Variants in PAPLN observed in about 807,000 individuals in gnomAD.
PAPLN encodes the protein papilin.
PAPLN carries 146 observed loss-of-function variants against 159.0 expected under a neutral mutation model. The ratio of observed to expected loss-of-function variants is 0.92; its 90% CI spans 0.80 to 1.05. The LOEUF is 1.05. Among genes scored for constraint, PAPLN ranks in the 50% least tolerant of loss-of-function variants. The pLI is 0.00. For synonymous variants in PAPLN, 734 were observed against 702.9 expected (o/e 1.04, Z -0.70); for missense variants, 1,720 against 1,743.9 (o/e 0.99, Z 0.24).
intron 26 of PAPLN, among the ~76,000 whole-genome samples, chr14:73,270,166 C>CCTCGCTCGGCCCACCGT (rs1887583986): frequency 1.3e-5 from 2 of 151,262 alleles, no homozygotes; most frequent in South Asian, 4.3e-4. Flanking sequence ...CTGTCCGGGG[C>CCTCGCTCGGCCCACCGT]CTCGCTCGGC....
chr14:73,241,658 G>GGT (rs2140177128), intron 2 of PAPLN, among the ~76,000 whole-genome samples: 1 of 152,350 alleles, frequency 6.6e-6, no homozygotes, highest in African/African-American at 2.4e-5. Flanking sequence ...GTCTGCAGGG[G>GGT]GTGTGGCCCC....
Position 73,259,012 on chromosome 14 carries a change from C to A in PAPLN, c.1661C>A (p.Ala554Asp). 6.2e-7 allele frequency: 1 copy of A among 1,612,780 alleles called. No homozygotes were observed. Among genetic ancestry groups the A allele is most frequent in the African/African-American group, 1.3e-5 (1 of 75,028 alleles). The stretch of plus-strand genomic sequence containing the variant: ...AGCATGCAGGATGTGCACACCCCTG[C>A]CAGCAACCCCTGGATGCCGTTGGGC... ...VPSMQDVHTP[A>D]SNPWMPLGPQ... The change falls in exon 15 of 27, where the codon GCC (alanine) becomes GAC (aspartate). Residue 554 changes from alanine (A) to aspartate (D), a missense_variant. Transcript: ENST00000644200.
In PAPLN at chr14:73,265,953, A is replaced by G. The variant is rs1256963095; in HGVS notation, c.3263+446A>G. On this transcript the variant is annotated intron_variant, in intron 23 of 26. Transcript: ENST00000644200. The surrounding 1 kb of genome is among the most constrained non-coding windows in gnomAD (Gnocchi z 4.1). ...TTATAAGCAGCAGAACCAGTATTTG[A>G]GCCCATTAAATGAGTATAGCAAAAA... is the stretch of plus-strand genomic sequence containing the variant. 6.6e-6 allele frequency among the ~76,000 whole-genome samples: 1 copy of G among 152,212 alleles called. No homozygotes were observed. Among genetic ancestry groups the G allele is most frequent in the Admixed American group, 6.5e-5 (1 of 15,288 alleles).
chr14:73,263,681 G>A lies in PAPLN; in HGVS notation c.2760G>A (p.Gln920=). ...SLAGVEPSLV[Q]AALGQLVRLS... ...CAGGTGTGGAGCCCTCGTTGGTGCA[G>A]GCAGCCCTGGGGCAGTTGGTGCGGC... The change falls in exon 20 of 27, where the codon CAG becomes CAA. Residue 920 remains glutamine, a synonymous_variant. Transcript: ENST00000644200. 6.2e-7 allele frequency: 1 copy of A among 1,613,606 alleles called. No homozygotes were observed. Among genetic ancestry groups the A allele is most frequent in the Non-Finnish European group, 8.5e-7 (1 of 1,180,002 alleles).
At chr14:73,258,341 G>A (rs1450527738) in intron 14 of PAPLN, among the ~76,000 whole-genome samples, 1 of 152,096 alleles carries the variant, frequency 6.6e-6, no homozygotes, top group African/African-American at 2.4e-5. Context: ...GGAGAAATGC[G>A]TAAGTTCTTT....
chr14:73,239,741 C>T (rs769531800), intron 1 of PAPLN, 32 bp from the exon 2 acceptor site: 4 of 1,549,414 alleles, frequency 2.6e-6, no homozygotes, highest in East Asian at 2.4e-5. Flanking sequence ...GCGGGAGCCC[C>T]GGGCCGCTCT....
intron 5 of PAPLN, 164 bp from the exon 6 acceptor site, chr14:73,249,820 G>A: frequency 3.1e-6 from 2 of 637,522 alleles, no homozygotes; most frequent in Non-Finnish European, 4.7e-6. Context: ...ACAGATTCAT[G>A]GAGACGGTCC....
chr14:73,259,451 A>C lies in PAPLN; in HGVS notation c.1891A>C (p.Arg631=), dbSNP rs1189478356. 1 of 1,612,328 alleles carries C rather than the reference A, an allele frequency of 6.2e-7. No homozygotes were observed. Among genetic ancestry groups the C allele is most frequent in the Non-Finnish European group, 8.5e-7 (1 of 1,179,562 alleles). The change falls in exon 16 of 27, where the codon AGA becomes CGA. Residue 631 remains arginine, a synonymous_variant. Coordinates refer to ENST00000644200, the MANE Select transcript of PAPLN (RefSeq NM_001365906.3). ...LRSGSGPHDC[R]HSPHGCCPDG... ...GTCGGGCTCAGGGCCCCACGACTGCAGACACAGTCCTCACGGGTGCTGCCC... is the reference window on the plus strand; with the variant it reads ...GTCGGGCTCAGGGCCCCACGACTGCCGACACAGTCCTCACGGGTGCTGCCC...
chr14:73,267,924 C>T (rs1456100508), intron 25 of PAPLN, among the ~76,000 whole-genome samples: 1 of 152,164 alleles, frequency 6.6e-6, no homozygotes, highest in Non-Finnish European at 1.5e-5. Flanking sequence ...ATGTTGGTTG[C>T]CTCTGCCTGT....
chr14:73,265,421 G>A lies in PAPLN; in HGVS notation c.3177G>A (p.Gln1059=). 2.5e-6 allele frequency: 4 copies of A among 1,612,812 alleles called. No homozygotes were observed. Among genetic ancestry groups the A allele is most frequent in the Non-Finnish European group, 2.5e-6 (3 of 1,180,018 alleles). ...QPRVVDASPG[Q]RIRMTCRAEG... is the part of the protein sequence containing the mutation. ...GGGTGGTGGATGCCAGTCCAGGCCA[G>A]CGGATCCGGATGACCTGCCGTGCCG... is the stretch of plus-strand genomic sequence containing the variant. The change falls in exon 23 of 27, where the codon CAG becomes CAA. Residue 1059 remains glutamine, a synonymous_variant. Transcript: ENST00000644200. The surrounding 1 kb of genome is among the most constrained non-coding windows in gnomAD (Gnocchi z 4.1).
chr14:73,271,971 A>AAC (rs1387089657), intron 26 of PAPLN, among the ~76,000 whole-genome samples: 9 of 152,222 alleles, frequency 5.9e-5, no homozygotes, highest in Non-Finnish European at 1.2e-4. Context: ...GGGAAAGTGA[A>AAC]AAACTGGAAG....
At chr14:73,264,772 AGGGCCG>A (rs746706864) in intron 22 of PAPLN, 46 bp downstream of exon 22, 48 of 1,608,296 alleles carry the variant, frequency 3.0e-5, no homozygotes, top group Non-Finnish European at 3.9e-5. Flanking sequence ...CGCCAGGGCC[AGGGCCG>A]GGGGTCTCAG....
In PAPLN at chr14:73,273,100, C is replaced by T. The variant is rs1887876815; in HGVS notation, c.*436C>T. 6.6e-6 allele frequency: 1 copy of T among 152,592 alleles called. No homozygotes were observed. The highest frequency in any genetic ancestry group is 1.5e-5 in the Non-Finnish European group (1 of 68,648). 9.5% of individuals were successfully genotyped at this position (152,592 alleles called of 1,614,324 possible). On this transcript the variant is annotated 3_prime_UTR_variant, in exon 27 of 27. Coordinates refer to ENST00000644200, the MANE Select transcript of PAPLN (RefSeq NM_001365906.3). ...GGGTTCTTGATTCTCCTGTGTCAGC[C>T]TTCTGAGTAGCTAGGATTACAGATG...
rs553764746 is a variant in PAPLN, at chr14:73,273,295, T to A, written c.*631T>A. On this transcript the variant is annotated 3_prime_UTR_variant, in exon 27 of 27. Coordinates refer to ENST00000644200, the MANE Select transcript of PAPLN (RefSeq NM_001365906.3). Reference sequence around the variant, plus strand: ...ACGCCCAGCCATCAATGCATTTTTTTTATTTTTTTTTTGAGACAGAGTTTC... The same window carrying A: ...ACGCCCAGCCATCAATGCATTTTTTATATTTTTTTTTTGAGACAGAGTTTC... The A allele has an allele frequency of 2.2e-5, 3 of 135,690 alleles. No homozygotes were observed. Among genetic ancestry groups the A allele is most frequent in the African/African-American group, 7.7e-5 (3 of 39,204 alleles). 8.4% of individuals were successfully genotyped at this position (135,690 alleles called of 1,614,324 possible).
Position 73,257,753 on chromosome 14 carries a change from C to CTTCTTTTTTT in PAPLN, c.1628-1224_1628-1223insCTTTTTTTTT, listed in dbSNP as rs1886085400. Among the ~76,000 whole-genome samples, 6 of 91,254 alleles carry CTTCTTTTTTT rather than the reference C, an allele frequency of 6.6e-5. No homozygotes were observed. In the East Asian group the frequency reaches 2.9e-3, roughly 44 times the overall value. The allele number at this position is 91,254 out of a possible 152,430, so 59.9% of individuals were successfully genotyped here. A position where few individuals can be genotyped will look rare whatever the true frequency, so the allele number is the denominator to read the frequency against. ...GTTTTCATTATCTAGTCTCTTTCTT[C>CTTCTTTTTTT]TTTTTTTTTTTTTTTTTTTTTTTTT... On this transcript the variant is annotated intron_variant, in intron 14 of 26. Coordinates refer to ENST00000644200, the MANE Select transcript of PAPLN (RefSeq NM_001365906.3).
In PAPLN at chr14:73,262,232, G is replaced by A. The variant is rs1449556925; in HGVS notation, c.2246-118G>A. The A allele has an allele frequency of 1.2e-5, 12 of 1,039,520 alleles. No individual in the cohort carries two copies. In the East Asian group the frequency reaches 1.7e-4, roughly 14 times the overall value. 64.4% of individuals were successfully genotyped at this position (1,039,520 alleles called of 1,614,324 possible). A position where few individuals can be genotyped will look rare whatever the true frequency, so the allele number is the denominator to read the frequency against. On this transcript the variant is annotated intron_variant, in intron 18 of 26. Transcript: ENST00000644200. ...CCAGGTCAGGCCCCCAGACAGGGGT[G>A]TAGACATGCTTTATAAGTGGGGAAG...
intron 10 of PAPLN, 96 bp downstream of exon 10, chr14:73,252,237 C>A: frequency 6.9e-7 from 1 of 1,450,328 alleles, no homozygotes; most frequent in Non-Finnish European, 9.1e-7. Context: ...TCAAGGCAGT[C>A]CCTCCTGGGG....
At chr14:73,270,642 TGA>T (rs752635690) in intron 26 of PAPLN, among the ~76,000 whole-genome samples, 3 of 152,082 alleles carry the variant, frequency 2.0e-5, no homozygotes, top group Middle Eastern at 3.2e-3. Context: ...AGATTCACAG[TGA>T]GAGAACTGTC....
In PAPLN at chr14:73,245,924, TCGGGGGTC is replaced by T; in HGVS notation, c.232-142_232-135del. The T allele has an allele frequency of 1.1e-6, 1 of 908,892 alleles. No individual in the cohort carries two copies. The allele number at this position is 908,892 out of a possible 1,614,324, so 56.3% of individuals were successfully genotyped here. A position where few individuals can be genotyped will look rare whatever the true frequency, so the allele number is the denominator to read the frequency against. Reference sequence around the variant, plus strand: ...ACCATGGAGGGGCACGCACAGGAGTTCGGGGGTCCGGGGGGCGGACTCCACCTCCGGCG... The same window carrying T: ...ACCATGGAGGGGCACGCACAGGAGTTCGGGGGGCGGACTCCACCTCCGGCG... On this transcript the variant is annotated intron_variant, in intron 4 of 26. Transcript: ENST00000644200. This position sits in a 1 kb window ranked among gnomAD's most constrained non-coding sequence, Gnocchi z 4.2.
Sources: gnomAD v4.1 joint callset for allele counts (sites outside exome capture counted in the v4.1 genomes callset) on GRCh38, gnomAD v4.1.1 for gene constraint, Gnocchi (gnomAD v3.1) non-coding constraint, MANE v1.5 for transcripts, NCBI Gene and HGNC (gene_info 2026-07-23, HGNC 2026-07-21) for gene names.